The following RBFOX1 variants were observed in gnomAD, a reference collection of about 807,000 sequenced individuals.
RBFOX1 encodes the protein RNA binding fox-1 homolog 1.
A neutral mutation model predicts 57.7 loss-of-function variants in RBFOX1; 8 were observed. The ratio of observed to expected loss-of-function variants is 0.14; its 90% CI spans 0.08 to 0.25. The LOEUF (loss-of-function observed/expected upper bound fraction) is 0.25, where lower values mean the gene tolerates loss of function less well. RBFOX1 is among the 10% of genes least tolerant of loss of function. RBFOX1 has a pLI of 1.00. For missense variants in RBFOX1, 611 were observed against 548.5 expected (o/e 1.11, Z -1.14); for synonymous variants, 326 against 222.4 (o/e 1.47, Z -4.15).
At chr16:6,598,323 T>C (rs2097799303) in intron 2 of RBFOX1, among the ~76,000 whole-genome samples, 1 of 152,212 alleles carries the variant, frequency 6.6e-6, no homozygotes, top group Non-Finnish European at 1.5e-5. Flanking sequence ...AGACTGCATG[T>C]TATTTTATAT....
At chr16:5,830,974 C>T (rs56017849) in intron 3 of RBFOX1, among the ~76,000 whole-genome samples, 7 of 152,116 alleles carry the variant, frequency 4.6e-5, no homozygotes, top group Admixed American at 6.5e-5. Flanking sequence ...CTATCCCCCC[C>T]CAACTCTGTT....
chr16:5,604,027 C>A (rs1023219938), downstream of RBFOX1, among the ~76,000 whole-genome samples: 1 of 152,142 alleles, frequency 6.6e-6, no homozygotes, highest in Non-Finnish European at 1.5e-5. Context: ...GCCATTCCCC[C>A]CTTCTATACT....
upstream of RBFOX1, among the ~76,000 whole-genome samples, chr16:6,016,612 C>G (rs1424622980): frequency 6.6e-6 from 1 of 152,194 alleles, no homozygotes; most frequent in Non-Finnish European, 1.5e-5. Flanking sequence ...TCTTTTTAAA[C>G]CAGCTTTATG....
chr16:6,895,430 GTGTGTGTGTGTGTGTGTGTATATATATA>G (rs1236958114), intron 3 of RBFOX1, among the ~76,000 whole-genome samples: 1,692 of 68,094 alleles, frequency 0.025, 28 homozygotes, highest in Non-Finnish European at 0.04. Context: ...GTGTGTGTGT[GTGTGTGTGTGTGTGTGTGTATATATATA>G]TATATATATA....
At chr16:6,681,550 C>T (rs761356527) in intron 3 of RBFOX1, among the ~76,000 whole-genome samples, 18 of 151,702 alleles carry the variant, frequency 1.2e-4, no homozygotes, top group African/African-American at 3.1e-4. Flanking sequence ...AAACTTTAGT[C>T]AGTTGAGAAA....
At chr16:5,949,913 T>G (rs2059486316) in intron 4 of RBFOX1, among the ~76,000 whole-genome samples, 1 of 152,196 alleles carries the variant, frequency 6.6e-6, no homozygotes, top group South Asian at 2.1e-4. Context: ...GTCTGTCTCA[T>G]AATCTGGGCC....
chr16:6,203,655 G>C lies in RBFOX1; in HGVS notation c.-126-113340G>C, dbSNP rs143785713. 2.5e-3 allele frequency among the ~76,000 whole-genome samples: 388 copies of C among 152,250 alleles called. 3 individuals carry two copies. The highest frequency in any genetic ancestry group is 9.0e-3 in the African/African-American group (374 of 41,534). On this transcript the variant is annotated intron_variant, in intron 1 of 15. Transcript: ENST00000550418. ...GGAGGTCACCGCACACTTATTGGGA[G>C]GGCTGTTATAGAAACAAACAAACCC...
chr16:7,589,088 C>T (rs946038953), intron 7 of RBFOX1, among the ~76,000 whole-genome samples: 4 of 152,154 alleles, frequency 2.6e-5, no homozygotes, highest in African/African-American at 9.7e-5. Flanking sequence ...ACCTGCAAAG[C>T]AAAGTGCATT....
intron 4 of RBFOX1, among the ~76,000 whole-genome samples, chr16:7,103,743 G>T (rs1376571214): frequency 6.6e-6 from 1 of 152,122 alleles, no homozygotes; most frequent in Admixed American, 6.6e-5. Context: ...AACAAGTCTG[G>T]TGGTATCAGA....
intron 2 of RBFOX1, among the ~76,000 whole-genome samples, chr16:6,510,218 C>T (rs1476518890): frequency 6.6e-6 from 1 of 152,156 alleles, no homozygotes; most frequent in Non-Finnish European, 1.5e-5. Flanking sequence ...CCCTTTGTCT[C>T]ATGTGGCTGG....
intron 3 of RBFOX1, among the ~76,000 whole-genome samples, chr16:6,871,911 CTGTGTGTGTGTGTGTGTGTGTGTGTGTG>C (rs57684251): frequency 2.3e-5 from 3 of 129,610 alleles, no homozygotes; most frequent in Admixed American, 7.7e-5. Flanking sequence ...GGGAGAGAGT[CTGTGTGTGTGTGTGTGTGTGTGTGTGTG>C]TGTGTGTGTG....
intron 3 of RBFOX1, among the ~76,000 whole-genome samples, chr16:6,907,495 G>A (rs1361230319): frequency 6.6e-6 from 1 of 152,202 alleles, no homozygotes; most frequent in Non-Finnish European, 1.5e-5. Flanking sequence ...GATGCCAGCA[G>A]GGGTGGTTCC....
chr16:6,527,541 A>G (rs2096598303), intron 2 of RBFOX1, among the ~76,000 whole-genome samples: 1 of 152,154 alleles, frequency 6.6e-6, no homozygotes. Flanking sequence ...TCACTGCCTC[A>G]TTCAGGCCAC....
intron 4 of RBFOX1, among the ~76,000 whole-genome samples, chr16:7,196,347 C>T: frequency 6.6e-6 from 1 of 152,138 alleles, no homozygotes. Flanking sequence ...TCAACTTTTC[C>T]TACCCACCCT....
intron 1 of RBFOX1, among the ~76,000 whole-genome samples, chr16:5,446,436 A>T (rs1214053480): frequency 6.6e-6 from 1 of 152,156 alleles, no homozygotes; most frequent in East Asian, 1.9e-4. Flanking sequence ...AGTTTATCTC[A>T]AAGAATTGTG....
chr16:6,443,451 T>C (rs1410878845), intron 2 of RBFOX1, among the ~76,000 whole-genome samples: 1 of 152,178 alleles, frequency 6.6e-6, no homozygotes, highest in African/African-American at 2.4e-5. Context: ...TGTTTTGATT[T>C]CTCCTTGTGA....
chr16:6,717,546 T>A (rs908259063), intron 3 of RBFOX1, among the ~76,000 whole-genome samples: 1 of 151,882 alleles, frequency 6.6e-6, no homozygotes, highest in Non-Finnish European at 1.5e-5. Flanking sequence ...GTCAACCTGA[T>A]GAATTAAGAT....
chr16:7,705,427 C>A (rs982152919), intron 14 of RBFOX1, among the ~76,000 whole-genome samples: 1 of 152,130 alleles, frequency 6.6e-6, no homozygotes, highest in African/African-American at 2.4e-5. Context: ...ATGGCATGAA[C>A]TTGAGGGACG....
intron 1 of RBFOX1, among the ~76,000 whole-genome samples, chr16:6,105,056 A>C (rs1449661194): frequency 6.6e-6 from 1 of 152,186 alleles, no homozygotes; most frequent in Non-Finnish European, 1.5e-5. Context: ...TTGTCTACCA[A>C]GGGAAGAAAT....
Sources: gnomAD v4.1 joint callset for allele counts (sites outside exome capture counted in the v4.1 genomes callset) on GRCh38, gnomAD v4.1.1 for gene constraint, MANE v1.5 for transcripts, NCBI Gene and HGNC (gene_info 2026-07-23, HGNC 2026-07-21) for gene names.